The following EIF4G3 variants were observed in gnomAD, a reference collection of about 807,000 sequenced individuals.
EIF4G3 encodes eIF-4-gamma 3.
A neutral mutation model predicts 186.4 loss-of-function variants in EIF4G3; 34 were observed. That is an observed-to-expected ratio of 0.18 (90% confidence interval 0.14 to 0.24). EIF4G3 has a LOEUF of 0.24. EIF4G3 is among the 10% of genes least tolerant of loss of function. The pLI is 1.00. For synonymous variants in EIF4G3, 673 were observed against 679.5 expected (o/e 0.99, Z 0.15); for missense variants, 1,536 against 1,948.5 (o/e 0.79, Z 3.99).
chr1:21,154,792 T>C (rs2097611585), intron 2 of EIF4G3, among the ~76,000 whole-genome samples: 1 of 152,208 alleles, frequency 6.6e-6, no homozygotes, highest in Non-Finnish European at 1.5e-5. Flanking sequence ...TATATATCTC[T>C]TTAGCAGTAT....
Position 21,031,767 on chromosome 1 carries a change from T to G in EIF4G3, c.-67+19099A>C, listed in dbSNP as rs370224601. On this transcript the variant is annotated intron_variant, in intron 4 of 36. Coordinates refer to ENST00000602326, the MANE Select transcript of EIF4G3 (RefSeq NM_001391906.1). ...AAATAGCAGAAGCAGAATTTCTTGA[T>G]TCTAGGACTAAGCTCCTAATTCTTC... Among the ~76,000 whole-genome samples, 5 of 152,220 alleles carry G rather than the reference T, an allele frequency of 3.3e-5. No homozygotes were observed. In the East Asian group the frequency reaches 5.8e-4, roughly 18 times the overall value.
intron 12 of EIF4G3, among the ~76,000 whole-genome samples, chr1:20,951,237 T>C (rs573209985): frequency 3.3e-5 from 5 of 152,222 alleles, no homozygotes; most frequent in African/African-American, 9.6e-5. Context: ...TTTAGGATGA[T>C]AGATATCATT....
chr1:20,978,711 A>G (rs577621310), intron 10 of EIF4G3, among the ~76,000 whole-genome samples: 1 of 150,360 alleles, frequency 6.7e-6, no homozygotes, highest in East Asian at 1.9e-4. Flanking sequence ...TGGTATGTAT[A>G]GGGTACTATG....
In EIF4G3 at chr1:20,942,030, C is replaced by A; in HGVS notation, c.1124G>T (p.Cys375Phe). The part of the protein sequence containing the change: ...DTIPIPSLTS[C>F]TETSDPLPTN... Reference sequence around the variant, plus strand: ...TGGTAAAGGGTCTGATGTTTCTGTGCAAGATGTGAGGCTGGGTATAGGAAT... The same window carrying A: ...TGGTAAAGGGTCTGATGTTTCTGTGAAAGATGTGAGGCTGGGTATAGGAAT... The change falls in exon 14 of 37, where the codon TGC becomes TTC. Residue 375 changes from cysteine to phenylalanine, a missense_variant. Cys to Phe is a radical substitution (Grantham distance 205). Transcript: ENST00000602326. 1 of 1,614,062 alleles carries A rather than the reference C, an allele frequency of 6.2e-7. No individual in the cohort carries two copies. The highest frequency in any genetic ancestry group is 1.1e-5 in the South Asian group (1 of 91,066).
At chr1:20,844,754 C>T (rs1426198072) in intron 29 of EIF4G3, among the ~76,000 whole-genome samples, 3 of 151,974 alleles carry the variant, frequency 2.0e-5, no homozygotes, top group African/African-American at 4.8e-5. Flanking sequence ...ATCACTTGAA[C>T]CCGGGAGGCA....
At chr1:21,109,880 G>C (rs2096687736) in intron 2 of EIF4G3, among the ~76,000 whole-genome samples, 1 of 152,146 alleles carries the variant, frequency 6.6e-6, no homozygotes, top group South Asian at 2.1e-4. Context: ...CCCCGTCTAG[G>C]TTCAAGCGAT....
intron 13 of EIF4G3, among the ~76,000 whole-genome samples, chr1:20,949,167 T>C (rs2096096398): frequency 6.6e-6 from 1 of 152,106 alleles, no homozygotes; most frequent in African/African-American, 2.4e-5. Context: ...CCCCGAACTA[T>C]GTTTAGAATT....
intron 34 of EIF4G3, among the ~76,000 whole-genome samples, chr1:20,814,644 C>T (rs1309001104): frequency 6.6e-6 from 1 of 151,860 alleles, no homozygotes; most frequent in African/African-American, 2.4e-5. Context: ...AAGTTAATCT[C>T]AAGCATTACT....
chr1:20,874,008 A>G (rs563132215), intron 20 of EIF4G3, among the ~76,000 whole-genome samples: 67 of 152,162 alleles, frequency 4.4e-4, no homozygotes, highest in Non-Finnish European at 6.8e-4. Flanking sequence ...CGTCCCTGAA[A>G]AGGACATGAT....
chr1:21,110,083 C>T (rs116411832), intron 2 of EIF4G3, among the ~76,000 whole-genome samples: 4,530 of 151,978 alleles, frequency 0.03, 243 homozygotes, highest in African/African-American at 0.1. Flanking sequence ...CCGCCACACC[C>T]GGCCAACAAA....
chr1:20,924,111 A>G (rs2094692650), intron 14 of EIF4G3, among the ~76,000 whole-genome samples: 1 of 152,172 alleles, frequency 6.6e-6, no homozygotes, highest in African/African-American at 2.4e-5. Flanking sequence ...TCCAGTTTGA[A>G]TATCTTCTCT....
intron 3 of EIF4G3, among the ~76,000 whole-genome samples, chr1:21,078,943 C>T (rs937596816): frequency 7.2e-5 from 11 of 152,286 alleles, no homozygotes; most frequent in African/African-American, 2.6e-4. Context: ...TGAGATCATG[C>T]CATTGCACTC....
At chr1:20,992,909 C>T (rs1306648484) in intron 7 of EIF4G3, among the ~76,000 whole-genome samples, 41 of 152,234 alleles carry the variant, frequency 2.7e-4, no homozygotes, top group Admixed American at 2.7e-3. Context: ...TACCAAGTGG[C>T]TTGCTATAAT....
intron 2 of EIF4G3, among the ~76,000 whole-genome samples, chr1:21,110,227 A>G (rs1188597221): frequency 1.3e-5 from 2 of 152,208 alleles, no homozygotes; most frequent in African/African-American, 4.8e-5. Flanking sequence ...AATCTAACCA[A>G]CATTCTACAG....
In EIF4G3 at chr1:21,012,689, A is replaced by C. The variant is rs114281135; in HGVS notation, c.-66-9881T>G. Among the ~76,000 whole-genome samples the C allele has an allele frequency of 1.8e-3, 270 of 152,356 alleles. 1 individual carries two copies. The highest frequency in any genetic ancestry group is 6.1e-3 in the African/African-American group (252 of 41,598). The stretch of plus-strand genomic sequence containing the variant: ...AAGCTCCCTGTCCAGACCAACAAAA[A>C]GTAGGGAGGAAGATGGCGGATAGGA... On this transcript the variant is annotated intron_variant, in intron 4 of 36. Coordinates refer to ENST00000602326, the MANE Select transcript of EIF4G3 (RefSeq NM_001391906.1).
At chr1:20,937,611 T>C (rs1242172734) in intron 14 of EIF4G3, among the ~76,000 whole-genome samples, 8 of 152,188 alleles carry the variant, frequency 5.3e-5, no homozygotes, top group Non-Finnish European at 1.2e-4. Context: ...ATTTAAATAA[T>C]GGTTTTATAT....
At chr1:20,813,059 G>T in intron 35 of EIF4G3, 99 bp downstream of exon 35, 1 of 800,858 alleles carries the variant, frequency 1.2e-6, no homozygotes, top group Non-Finnish European at 2.1e-6. Context: ...AGCTACATAG[G>T]AGAAGTTTTG....
intron 5 of EIF4G3, among the ~76,000 whole-genome samples, chr1:21,001,652 G>A (rs1425459015): frequency 6.6e-6 from 1 of 152,110 alleles, no homozygotes; most frequent in Non-Finnish European, 1.5e-5. Context: ...TAGGACCAAA[G>A]TCCCACCTCT....
intron 4 of EIF4G3, among the ~76,000 whole-genome samples, chr1:21,035,019 C>T (rs2093063152): frequency 6.6e-6 from 1 of 152,226 alleles, no homozygotes; most frequent in South Asian, 2.1e-4. Flanking sequence ...TGGAGCCCCA[C>T]CCCAGGTGGC....
Sources: allele counts gnomAD v4.1 joint callset (sites outside exome capture counted in the v4.1 genomes callset), GRCh38; gene constraint gnomAD v4.1.1; transcripts MANE v1.5; gene names NCBI Gene and HGNC (gene_info 2026-07-23, HGNC 2026-07-21).